FAM234A: variants seen among roughly 807,000 people sequenced by gnomAD.
FAM234A encodes family with sequence similarity 234 member A, also known as protein FAM234A.
FAM234A carries 42 observed loss-of-function variants against 49.1 expected under a neutral mutation model. The ratio of observed to expected loss-of-function variants is 0.86; its 90% CI spans 0.67 to 1.11. The LOEUF (loss-of-function observed/expected upper bound fraction) is 1.11, where lower values mean the gene tolerates loss of function less well. FAM234A is among the 50% of genes least tolerant of loss of function. The pLI is 0.00. For missense variants in FAM234A, 815 were observed against 745.2 expected (o/e 1.09, Z -1.09); for synonymous variants, 369 against 316.2 (o/e 1.17, Z -1.77).
intron 1 of FAM234A, among the ~76,000 whole-genome samples, chr16:247,391 A>G (rs879294988): frequency 2.6e-5 from 4 of 151,562 alleles, no homozygotes; most frequent in Non-Finnish European, 4.4e-5. Flanking sequence ...GGCCTGGCAA[A>G]GTGCTGGGAT....
Position 252,852 on chromosome 16 carries a change from T to A in FAM234A, c.-33-1529T>A, listed in dbSNP as rs111934087. On this transcript the variant is annotated intron_variant, in intron 2 of 12. Transcript: ENST00000399932. ...GTGCGGCTTTCAGCTCAGCTTTTCC[T>A]CGCCTTCCCTCGCTGACCTCCGCAC... Among the ~76,000 whole-genome samples, 109 of 152,334 alleles carry A rather than the reference T, an allele frequency of 7.2e-4. 1 individual carries two copies. Among genetic ancestry groups the A allele is most frequent in the Non-Finnish European group, 1.4e-3 (92 of 68,026 alleles).
chr16:268,908 T>C (rs923257952), downstream of FAM234A: 20 of 1,550,404 alleles, frequency 1.3e-5, no homozygotes, highest in Non-Finnish European at 1.7e-5. Context: ...ATTCGCTGGC[T>C]GATTTACTGG....
At chr16:264,248 C>A in intron 11 of FAM234A, 77 bp downstream of exon 11, 1 of 1,407,400 alleles carries the variant, frequency 7.1e-7, no homozygotes, top group Non-Finnish European at 9.5e-7. Context: ...CCGTGGAGTG[C>A]CCAGAAGCTC....
rs551698508 is a variant in FAM234A, at chr16:255,647, C to A, written c.268+966C>A. 1.1e-4 allele frequency among the ~76,000 whole-genome samples: 16 copies of A among 152,302 alleles called. No individual in the cohort carries two copies. In the East Asian group the frequency reaches 2.9e-3, roughly 28 times the overall value. On this transcript the variant is annotated intron_variant, in intron 3 of 12. Transcript: ENST00000399932. Reference sequence around the variant, plus strand: ...CTCTCCTAGCCCTGGGCAACCTAGTCTCCTGTCTCCAAAGATTAGTCTTTT... The same window carrying A: ...CTCTCCTAGCCCTGGGCAACCTAGTATCCTGTCTCCAAAGATTAGTCTTTT...
chr16:243,527 T>C (rs2050691222), intron 1 of FAM234A, among the ~76,000 whole-genome samples: 1 of 152,228 alleles, frequency 6.6e-6, no homozygotes, highest in Non-Finnish European at 1.5e-5. Context: ...CTTCTTGCTG[T>C]TGATGAGCAA....
intron 1 of FAM234A, among the ~76,000 whole-genome samples, chr16:238,045 T>C (rs186692714): frequency 6.7e-6 from 1 of 148,904 alleles, no homozygotes; most frequent in Admixed American, 6.7e-5. Flanking sequence ...TTGAGATGGA[T>C]TCTCGCTCTG....
In FAM234A at chr16:265,218, CCT is replaced by C. The variant is rs998367759; in HGVS notation, c.*202_*203del. ...TGCATGGGTGAGGGGACACCCTGGG[CCT>C]CTCTCCCGCCCAGCATCCTCCCTGA... is the stretch of plus-strand genomic sequence containing the variant. On this transcript the variant is annotated 3_prime_UTR_variant, in exon 13 of 13. Transcript: ENST00000399932. The C allele has an allele frequency of 6.4e-6, 9 of 1,400,760 alleles. No homozygotes were observed. Among genetic ancestry groups the C allele is most frequent in the East Asian group, 2.6e-5 (1 of 38,454 alleles). The allele number at this position is 1,400,760 out of a possible 1,614,324, so 86.8% of individuals were successfully genotyped here.
At chr16:250,414 G>C (rs1384759997) in intron 2 of FAM234A, among the ~76,000 whole-genome samples, 1 of 151,816 alleles carries the variant, frequency 6.6e-6, no homozygotes, top group East Asian at 1.9e-4. Context: ...GACAACCCAC[G>C]TCCTGCCTTC....
downstream of FAM234A, chr16:268,764 GTCCTCTTCCA>G: frequency 6.5e-7 from 1 of 1,549,152 alleles, no homozygotes; most frequent in Non-Finnish European, 8.7e-7. Flanking sequence ...ACTCTCTTGG[GTCCTCTTCCA>G]GGCTCACACT....
At chr16:260,623 A>G (rs540197765) in intron 5 of FAM234A, 15 of 473,296 alleles carry the variant, frequency 3.2e-5, no homozygotes, top group African/African-American at 3.0e-4. Flanking sequence ...TCGTGGAAGG[A>G]CGAGGGAAAG....
chr16:256,173 G>C (rs537838989), intron 3 of FAM234A, among the ~76,000 whole-genome samples: 1 of 152,216 alleles, frequency 6.6e-6, no homozygotes, highest in Admixed American at 6.5e-5. Context: ...GAACATTCAC[G>C]TGCAGATCTT....
At chr16:263,009 G>A (rs543617997) in intron 8 of FAM234A, among the ~76,000 whole-genome samples, 3 of 152,116 alleles carry the variant, frequency 2.0e-5, no homozygotes, top group South Asian at 4.2e-4. Flanking sequence ...TAGTAGAGAC[G>A]GGGTTTCTCC....
Position 265,308 on chromosome 16 carries a change from T to C in FAM234A, c.*286T>C. On this transcript the variant is annotated 3_prime_UTR_variant, in exon 13 of 13. Transcript: ENST00000399932. ...TCCCGCTCACACCAGGCAGCCTTCATAGTGGTCTCCCTGGCCACCTTGGGC... is the reference window on the plus strand; with the variant it reads ...TCCCGCTCACACCAGGCAGCCTTCACAGTGGTCTCCCTGGCCACCTTGGGC... 1 of 1,220,490 alleles carries C rather than the reference T, an allele frequency of 8.2e-7. No individual in the cohort carries two copies. Among genetic ancestry groups the C allele is most frequent in the Non-Finnish European group, 1.0e-6 (1 of 975,268 alleles). The allele number at this position is 1,220,490 out of a possible 1,614,324, so 75.6% of individuals were successfully genotyped here. A position where few individuals can be genotyped will look rare whatever the true frequency, so the allele number is the denominator to read the frequency against.
chr16:263,852 C>G, intron 10 of FAM234A, 77 bp downstream of exon 10: 1 of 1,423,190 alleles, frequency 7.0e-7, no homozygotes, highest in South Asian at 1.1e-5. Flanking sequence ...GACGGGGCTG[C>G]GGCCCAGGAG....
downstream of FAM234A, chr16:266,122 C>T (rs935541913): frequency 1.1e-5 from 11 of 977,224 alleles, no homozygotes; most frequent in African/African-American, 3.5e-5. Context: ...GTGAGCCTAG[C>T]GTGTGTGCGT....
In FAM234A at chr16:260,076, C is replaced by A; in HGVS notation, c.493C>A (p.Pro165Thr). The change falls in exon 5 of 13, where the codon CCC (proline) becomes ACC (threonine). Residue 165 changes from proline to threonine, a missense_variant. Transcript: ENST00000399932. ...QDVALVECAV[P>T]QPRGSEAPSA... is the part of the protein sequence containing the mutation. The stretch of plus-strand genomic sequence containing the variant: ...CGTGGCCCTCGTGGAGTGTGCTGTG[C>A]CCCAGCCAAGAGGCAGTGAGGCACC... 6.2e-7 allele frequency: 1 copy of A among 1,613,822 alleles called. No homozygotes were observed. Among genetic ancestry groups the A allele is most frequent in the Non-Finnish European group, 8.5e-7 (1 of 1,179,998 alleles).
Position 260,025 on chromosome 16 carries a change from C to G in FAM234A, c.442C>G (p.Leu148Val). 6 of 1,613,642 alleles carry G rather than the reference C, an allele frequency of 3.7e-6. No individual in the cohort carries two copies. Among genetic ancestry groups the G allele is most frequent in the Non-Finnish European group, 5.1e-6 (6 of 1,180,014 alleles). ...AAVSGANGST[L>V]WERPVAQDVA... ...TGTGTCGGGGGCCAACGGCAGCACG[C>G]TCTGGGAGAGACCTGTGGCCCAAGA... Residue 148 changes from leucine (L) to valine (V), a missense_variant, in exon 5 of 13, where the codon CTC (leucine) becomes GTC (valine). Leu to Val is a conservative substitution (Grantham distance 32, BLOSUM62 1). Coordinates refer to ENST00000399932, the MANE Select transcript of FAM234A (RefSeq NM_032039.4).
chr16:246,559 A>G (rs2050815692), intron 1 of FAM234A, among the ~76,000 whole-genome samples: 1 of 148,846 alleles, frequency 6.7e-6, no homozygotes, highest in Admixed American at 6.8e-5. Flanking sequence ...AGCTGGGACT[A>G]AAGGTGCCCG....
At chr16:269,853 A>G (rs57105135), downstream of FAM234A, 3,937 of 419,824 alleles carry the variant, frequency 9.4e-3, 136 homozygotes, top group East Asian at 0.09. Flanking sequence ...GCACCTCCTC[A>G]GCCATTAGCG....
Sources: gnomAD v4.1 joint callset for allele counts (sites outside exome capture counted in the v4.1 genomes callset) on GRCh38, gnomAD v4.1.1 for gene constraint, MANE v1.5 for transcripts, NCBI Gene and HGNC (gene_info 2026-07-23, HGNC 2026-07-21) for gene names.